LRP1B: variants seen among roughly 807,000 people sequenced by gnomAD.
LRP1B encodes the protein low-density lipoprotein receptor-related protein 1B.
In LRP1B, 217 loss-of-function variants were observed where a neutral mutation model predicts 556.6. The observed-to-expected ratio is 0.39, with a 90% CI of 0.35 to 0.44. The LOEUF is 0.44. Ranked by LOEUF, LRP1B falls within the 20% of genes least tolerant of loss-of-function variation. The pLI is 1.00. For missense variants in LRP1B, 5,053 were observed against 5,620.8 expected, an observed-to-expected ratio of 0.90 and a Z score of 3.23; for synonymous variants, 2,047 against 1,865.8, an observed-to-expected ratio of 1.10 and a Z score of -2.50.
At chr2:140,998,101 G>C (rs905761884) in intron 15 of LRP1B, among the ~76,000 whole-genome samples, 1 of 152,028 alleles carries the variant, frequency 6.6e-6, no homozygotes, top group African/African-American at 2.4e-5. Context: ...GTTCACCATA[G>C]TGAAGTCCTG....
chr2:141,480,680 A>C, intron 2 of LRP1B, 147 bp from the exon 3 acceptor site: 1 of 798,114 alleles, frequency 1.3e-6, no homozygotes, highest in Non-Finnish European at 2.2e-6. Flanking sequence ...AGAGACATTG[A>C]AGTTAGCCTA....
At chr2:140,930,297 C>A (rs1466229966) in intron 20 of LRP1B, among the ~76,000 whole-genome samples, 1 of 151,994 alleles carries the variant, frequency 6.6e-6, no homozygotes, top group Non-Finnish European at 1.5e-5. Flanking sequence ...GCTATTTAAA[C>A]CAAGCATACA....
chr2:140,308,265 A>G (rs1684149050), intron 83 of LRP1B, among the ~76,000 whole-genome samples: 1 of 151,800 alleles, frequency 6.6e-6, no homozygotes, highest in Non-Finnish European at 1.5e-5. Flanking sequence ...TTATTGATAT[A>G]ATTTAATGAC....
intron 21 of LRP1B, among the ~76,000 whole-genome samples, chr2:140,917,984 T>C (rs1255278988): frequency 6.6e-6 from 1 of 152,108 alleles, no homozygotes; most frequent in African/African-American, 2.4e-5. Context: ...TTCTGCTTAA[T>C]TTTGCTGTGA....
intron 6 of LRP1B, among the ~76,000 whole-genome samples, chr2:141,221,162 C>T (rs1023476685): frequency 5.3e-5 from 8 of 151,960 alleles, no homozygotes; most frequent in African/African-American, 1.9e-4. Flanking sequence ...AGACCCATCT[C>T]ACATGCAAAG....
At chr2:141,237,794 C>T (rs560971110) in intron 5 of LRP1B, among the ~76,000 whole-genome samples, 60 of 152,190 alleles carry the variant, frequency 3.9e-4, no homozygotes, top group Middle Eastern at 3.4e-3. Flanking sequence ...TGCAAACTGG[C>T]GGCTCTCACA....
At chr2:140,551,178 A>G (rs1414278907) in intron 43 of LRP1B, among the ~76,000 whole-genome samples, 2 of 152,188 alleles carry the variant, frequency 1.3e-5, no homozygotes, top group African/African-American at 4.8e-5. Context: ...AGCCTGAGCT[A>G]AAAGCCACAC....
intron 33 of LRP1B, among the ~76,000 whole-genome samples, chr2:140,775,467 A>T (rs973229861): frequency 3.1e-4 from 34 of 111,190 alleles, no homozygotes; most frequent in African/African-American, 8.8e-4. Flanking sequence ...TTTTTGGTTG[A>T]TTTTTTTTTT....
intron 1 of LRP1B, among the ~76,000 whole-genome samples, chr2:141,810,784 TGAGA>T (rs547313234): frequency 1.6e-4 from 25 of 152,218 alleles, no homozygotes; most frequent in Admixed American, 2.6e-4. Flanking sequence ...TTCTCAGCTC[TGAGA>T]GAAAGAAAAA....
chr2:141,050,233 C>G (rs1017054526), intron 10 of LRP1B, among the ~76,000 whole-genome samples: 2 of 151,308 alleles, frequency 1.3e-5, no homozygotes, highest in African/African-American at 2.4e-5. Context: ...TATTTATAAA[C>G]CTAACAATAC....
intron 32 of LRP1B, among the ~76,000 whole-genome samples, chr2:140,801,806 A>C (rs1690523280): frequency 1.3e-5 from 2 of 152,282 alleles, no homozygotes; most frequent in East Asian, 3.9e-4. Flanking sequence ...GCAGGTCCTA[A>C]TACAGCAGAT....
chr2:140,739,159 A>G (rs184412069), intron 35 of LRP1B, among the ~76,000 whole-genome samples: 68 of 152,308 alleles, frequency 4.5e-4, no homozygotes, highest in African/African-American at 1.5e-3. Flanking sequence ...AGTAATCTCA[A>G]TAAACTAAGC....
chr2:140,490,127 A>T (rs572834057), intron 57 of LRP1B, among the ~76,000 whole-genome samples: 8 of 152,036 alleles, frequency 5.3e-5, no homozygotes, highest in African/African-American at 1.9e-4. Context: ...TCAGAATCCT[A>T]TTTGCTTCTT....
At chr2:141,681,092 G>A (rs992783278) in intron 2 of LRP1B, among the ~76,000 whole-genome samples, 1 of 151,988 alleles carries the variant, frequency 6.6e-6, no homozygotes, top group Non-Finnish European at 1.5e-5. Flanking sequence ...AGGAGTTCAA[G>A]ACCAGCCTGT....
At chr2:140,899,423 A>G (rs888783659) in intron 23 of LRP1B, among the ~76,000 whole-genome samples, 2 of 152,162 alleles carry the variant, frequency 1.3e-5, no homozygotes, top group Non-Finnish European at 2.9e-5. Context: ...TGCTATTTTT[A>G]TGGTGAGGGA....
chr2:141,106,151 CAT>C (rs1185754817), intron 7 of LRP1B, among the ~76,000 whole-genome samples: 7 of 152,152 alleles, frequency 4.6e-5, no homozygotes, highest in Non-Finnish European at 7.3e-5. Flanking sequence ...GGCTCAGTCT[CAT>C]ATGTGTAAAG....
chr2:141,703,112 C>T (rs1437109215), intron 2 of LRP1B, among the ~76,000 whole-genome samples: 1 of 151,908 alleles, frequency 6.6e-6, no homozygotes, highest in Non-Finnish European at 1.5e-5. Flanking sequence ...TGTCCCCTAA[C>T]AAGTACAATC....
chr2:141,943,761 G>A (rs1197095047), intron 1 of LRP1B, among the ~76,000 whole-genome samples: 9 of 152,014 alleles, frequency 5.9e-5, no homozygotes, highest in Admixed American at 5.2e-4. Flanking sequence ...TAGAATAGAA[G>A]AGTCCTTGGT....
chr2:141,881,770 C>G (rs1698965766), intron 1 of LRP1B, among the ~76,000 whole-genome samples: 2 of 152,096 alleles, frequency 1.3e-5, no homozygotes, highest in African/African-American at 4.8e-5. Flanking sequence ...CAATTAATTG[C>G]AAAGTTCACT....
Sources: gnomAD v4.1 joint callset for allele counts (sites outside exome capture counted in the v4.1 genomes callset) on GRCh38, gnomAD v4.1.1 for gene constraint, MANE v1.5 for transcripts, NCBI Gene and HGNC (gene_info 2026-07-23, HGNC 2026-07-21) for gene names.